Variants in MCTP1 observed in about 807,000 individuals in gnomAD.
MCTP1 encodes multiple C2 and transmembrane domain containing 1, also known as multiple C2 and transmembrane domain-containing protein 1.
In MCTP1, 69 loss-of-function variants were observed where a neutral mutation model predicts 120.6. That is an observed-to-expected ratio of 0.57 (90% confidence interval 0.47 to 0.70). The LOEUF (loss-of-function observed/expected upper bound fraction) is 0.70. Ranked by LOEUF, MCTP1 falls within the 30% of genes least tolerant of loss-of-function variation. MCTP1 has a pLI of 0.00. For missense variants in MCTP1, 1,203 were observed against 1,248.8 expected (o/e 0.96, Z 0.55); for synonymous variants, 529 against 493.1 (o/e 1.07, Z -0.96).
intron 2 of MCTP1, chr5:94,979,025 G>T (rs1828776879): frequency 6.6e-6 from 1 of 151,970 alleles, no homozygotes; most frequent in South Asian, 2.1e-4. Context: ...AATCCCCAAG[G>T]AGAGCAAGCT....
chr5:95,249,318 A>T (rs911126768), intron 1 of MCTP1, among the ~76,000 whole-genome samples: 3 of 152,030 alleles, frequency 2.0e-5, no homozygotes, highest in Admixed American at 6.6e-5. Context: ...ATTTACAATT[A>T]AAAAAAACCC....
chr5:95,038,137 G>T, intron 1 of MCTP1: 2 of 984,382 alleles, frequency 2.0e-6, no homozygotes, highest in Non-Finnish European at 2.4e-6. Context: ...GATGGAGTAG[G>T]ATCTCATACA....
intron 1 of MCTP1, among the ~76,000 whole-genome samples, chr5:95,241,968 T>C (rs1481306255): frequency 1.3e-5 from 2 of 152,166 alleles, no homozygotes; most frequent in East Asian, 3.9e-4. Flanking sequence ...AATAAAAATA[T>C]AAAATGAGTA....
intron 19 of MCTP1, among the ~76,000 whole-genome samples, chr5:94,778,866 C>A (rs755960102): frequency 1.3e-5 from 2 of 152,146 alleles, no homozygotes; most frequent in African/African-American, 2.4e-5. Context: ...TCCAGACAAG[C>A]TGAATTATTT....
chr5:95,241,055 CTTTG>C (rs1756112298), intron 1 of MCTP1, among the ~76,000 whole-genome samples: 1 of 151,876 alleles, frequency 6.6e-6, no homozygotes, highest in African/African-American at 2.4e-5. Context: ...TTGGGGGGTA[CTTTG>C]TTTTAAATTC....
At chr5:95,052,451 T>C (rs556070957) in intron 1 of MCTP1, among the ~76,000 whole-genome samples, 1 of 152,356 alleles carries the variant, frequency 6.6e-6, no homozygotes, top group East Asian at 1.9e-4. Context: ...CTGGAATTCC[T>C]GTATTTTATC....
chr5:95,128,506 T>A (rs1021032434), intron 1 of MCTP1, among the ~76,000 whole-genome samples: 1 of 152,250 alleles, frequency 6.6e-6, no homozygotes, highest in African/African-American at 2.4e-5. Context: ...AATGAAGTAC[T>A]GATACATGCT....
chr5:94,912,833 C>A lies in MCTP1; in HGVS notation c.1494G>T (p.Arg498=). The change falls in exon 9 of 23, where the codon CGG becomes CGT. Residue 498 remains arginine, a synonymous_variant. Transcript: ENST00000515393. ...TGCTCTTGTACTTCTGATGCCCAAGCCGGAACTTCACGTAGGGATCGCTCA... is the reference window on the plus strand; with the variant it reads ...TGCTCTTGTACTTCTGATGCCCAAGACGGAACTTCACGTAGGGATCGCTCA... ...NGLSDPYVKF[R]LGHQKYKSKI... is the part of the protein sequence containing the mutation. 6.3e-7 allele frequency: 1 copy of A among 1,578,994 alleles called. No individual in the cohort carries two copies. Among genetic ancestry groups the A allele is most frequent in the Non-Finnish European group, 8.6e-7 (1 of 1,164,090 alleles).
intron 1 of MCTP1, among the ~76,000 whole-genome samples, chr5:95,263,274 G>C (rs1251485671): frequency 6.6e-6 from 1 of 152,168 alleles, no homozygotes; most frequent in Non-Finnish European, 1.5e-5. Context: ...GGTGGCAGAG[G>C]AGAACAGGGC....
intron 1 of MCTP1, among the ~76,000 whole-genome samples, chr5:95,190,231 A>C (rs1209185896): frequency 6.6e-6 from 1 of 152,122 alleles, no homozygotes; most frequent in African/African-American, 2.4e-5. Context: ...CTGCCATGGA[A>C]ATTCTGATGT....
chr5:94,942,580 T>C (rs1817989526), intron 3 of MCTP1, among the ~76,000 whole-genome samples, 153 bp from the exon 4 acceptor site: 1 of 152,130 alleles, frequency 6.6e-6, no homozygotes, highest in Non-Finnish European at 1.5e-5. Flanking sequence ...TTTGGAATAT[T>C]AGAGTCTCAC....
intron 12 of MCTP1, among the ~76,000 whole-genome samples, chr5:94,884,435 C>A (rs1323562534): frequency 6.6e-6 from 1 of 152,176 alleles, no homozygotes; most frequent in African/African-American, 2.4e-5. Flanking sequence ...CCCATGCGGC[C>A]TGCTCTAAAG....
At chr5:94,805,521 A>G (rs1316579569) in intron 17 of MCTP1, among the ~76,000 whole-genome samples, 1 of 152,074 alleles carries the variant, frequency 6.6e-6, no homozygotes, top group Non-Finnish European at 1.5e-5. Context: ...CCAGCTACTC[A>G]GGAGGTTGAG....
At chr5:94,984,248 T>C (rs1183609302) in intron 2 of MCTP1, among the ~76,000 whole-genome samples, 2 of 152,200 alleles carry the variant, frequency 1.3e-5, no homozygotes, top group East Asian at 1.9e-4. Context: ...GACTAATTTT[T>C]GCTTGTTAAG....
At chr5:95,046,813 A>G (rs1744662870) in intron 1 of MCTP1, among the ~76,000 whole-genome samples, 1 of 152,138 alleles carries the variant, frequency 6.6e-6, no homozygotes, top group South Asian at 2.1e-4. Context: ...TGTTTACCCT[A>G]TTAGACTGTG....
intron 10 of MCTP1, among the ~76,000 whole-genome samples, chr5:94,903,301 T>A (rs1169853881): frequency 6.6e-6 from 1 of 152,248 alleles, no homozygotes; most frequent in Non-Finnish European, 1.5e-5. Flanking sequence ...GTAGTTTTGG[T>A]GTCACAGATA....
chr5:94,915,207 G>A (rs1809737198), intron 8 of MCTP1, among the ~76,000 whole-genome samples: 1 of 152,200 alleles, frequency 6.6e-6, no homozygotes, highest in South Asian at 2.1e-4. Context: ...CAGAAGGCAA[G>A]GCTTCTTAGC....
At position 95,095,006 on chromosome 5, in the gene MCTP1, A is replaced by ATTTTTTTTTTTTTTTT. The variant is rs756132693; in HGVS notation, c.721-77538_721-77523dup. Among the ~76,000 whole-genome samples the ATTTTTTTTTTTTTTTT allele has an allele frequency of 1.4e-4, 5 of 36,964 alleles. 1 individual carries two copies. Among genetic ancestry groups the ATTTTTTTTTTTTTTTT allele is most frequent in the African/African-American group, 5.0e-4 (4 of 8,046 alleles). 24.2% of individuals were successfully genotyped at this position (36,964 alleles called of 152,430 possible). On this transcript the variant is annotated intron_variant, in intron 1 of 22. Transcript: ENST00000515393. ...TTTTTTCTTTTATTTGTTATGTTAG[A>ATTTTTTTTTTTTTTTT]TTTTTTTTTTTTTTTTTTTTTTTTT...
intron 10 of MCTP1, among the ~76,000 whole-genome samples, chr5:94,895,644 G>A (rs891132342): frequency 6.6e-6 from 1 of 152,188 alleles, no homozygotes; most frequent in African/African-American, 2.4e-5. Context: ...ACCATAAACT[G>A]CGTGGTCAGA....
Sources: gnomAD v4.1 joint callset for allele counts (sites outside exome capture counted in the v4.1 genomes callset) on GRCh38, gnomAD v4.1.1 for gene constraint, MANE v1.5 for transcripts, NCBI Gene and HGNC (gene_info 2026-07-23, HGNC 2026-07-21) for gene names.